RALGAPA1: variants seen among roughly 807,000 people sequenced by gnomAD.
The protein encoded by RALGAPA1 is Ral GTPase activating protein catalytic subunit alpha 1.
RALGAPA1 carries 52 observed loss-of-function variants against 269.6 expected under a neutral mutation model. The observed-to-expected ratio is 0.19, with a 90% CI of 0.15 to 0.24. The LOEUF is 0.24. Among genes scored for constraint, RALGAPA1 ranks in the 10% least tolerant of loss-of-function variants. The probability of loss-of-function intolerance (pLI) is 1.00; values close to 1 mark genes in which losing one functional copy is unlikely to be tolerated. For missense variants in RALGAPA1, 1,917 were observed against 3,013.9 expected, an observed-to-expected ratio of 0.64 and a Z score of 8.52; for synonymous variants, 817 against 1,008.3, an observed-to-expected ratio of 0.81 and a Z score of 3.60.
chr14:35,797,305 A>C (rs1340529551), intron 1 of RALGAPA1, among the ~76,000 whole-genome samples: 1 of 143,344 alleles, frequency 7.0e-6, no homozygotes, highest in African/African-American at 2.7e-5. Flanking sequence ...GTGAGCTCAG[A>C]TCATGCCACT....
intron 16 of RALGAPA1, among the ~76,000 whole-genome samples, 191 bp from the exon 17 acceptor site, chr14:35,700,493 A>G (rs2067252235): frequency 6.6e-6 from 1 of 152,160 alleles, no homozygotes; most frequent in African/African-American, 2.4e-5. Flanking sequence ...CACACACAAC[A>G]TTTTGAATAT....
At chr14:35,665,801 G>C (rs138212251) in intron 26 of RALGAPA1, among the ~76,000 whole-genome samples, 33 of 152,276 alleles carry the variant, frequency 2.2e-4, no homozygotes, top group Admixed American at 3.9e-4. Context: ...GAGTTTTTCT[G>C]TATAGGTAGA....
At chr14:35,807,365 T>C (rs2077448464) in intron 1 of RALGAPA1, among the ~76,000 whole-genome samples, 1 of 152,224 alleles carries the variant, frequency 6.6e-6, no homozygotes, top group African/African-American at 2.4e-5. Context: ...TTTAGAAGCT[T>C]TACATTTTCT....
At chr14:35,799,754 C>A (rs1595601640) in intron 1 of RALGAPA1, among the ~76,000 whole-genome samples, 1 of 151,986 alleles carries the variant, frequency 6.6e-6, no homozygotes. Flanking sequence ...ACCATATCAA[C>A]AATCATGTTA....
At chr14:35,659,845 T>C (rs898456705) in intron 27 of RALGAPA1, among the ~76,000 whole-genome samples, 3 of 152,036 alleles carry the variant, frequency 2.0e-5, no homozygotes, top group Non-Finnish European at 2.9e-5. Flanking sequence ...ATAAAACTAA[T>C]ACATCATATT....
intron 39 of RALGAPA1, among the ~76,000 whole-genome samples, chr14:35,567,878 G>GT (rs1296968563): frequency 6.6e-6 from 1 of 152,066 alleles, no homozygotes; most frequent in East Asian, 1.9e-4. Flanking sequence ...ACACAAGAAA[G>GT]TACAAACTCT....
In RALGAPA1 at chr14:35,597,002, T is replaced by G. The variant is rs118104527; in HGVS notation, c.7054-1213A>C. Among the ~76,000 whole-genome samples the G allele has an allele frequency of 1.9e-3, 290 of 152,246 alleles. 2 individuals carry two copies. The highest frequency in any genetic ancestry group is 0.018 in the East Asian group (91 of 5,184). ...TATTAGTAAGTAAAGAGATTCCTCATTTTTGGTTCCTGGCTTCACAGAAGT... is the reference window on the plus strand; with the variant it reads ...TATTAGTAAGTAAAGAGATTCCTCAGTTTTGGTTCCTGGCTTCACAGAAGT... On this transcript the variant is annotated intron_variant, in intron 36 of 41. Transcript: ENST00000680220.
intron 6 of RALGAPA1, among the ~76,000 whole-genome samples, chr14:35,758,243 C>CAAAAAAAAAAAAAAAAAAAAAAAAAA (rs66473514): frequency 2.0e-5 from 1 of 49,746 alleles, no homozygotes. Context: ...GACTCTGTCT[C>CAAAAAAAAAAAAAAAAAAAAAAAAAA]AAAAAAAAAA....
chr14:35,628,088 A>G (rs2061101709), intron 33 of RALGAPA1, 137 bp from the exon 34 acceptor site: 1 of 1,022,442 alleles, frequency 9.8e-7, no homozygotes, highest in South Asian at 2.2e-5. Flanking sequence ...TACAGTAATG[A>G]TGGCAAAAAA....
chr14:35,556,401 C>A (rs1056159328), intron 39 of RALGAPA1, among the ~76,000 whole-genome samples: 5 of 152,132 alleles, frequency 3.3e-5, no homozygotes, highest in Non-Finnish European at 7.4e-5. Flanking sequence ...AAAGATATTC[C>A]ATTTCTTTCC....
intron 37 of RALGAPA1, among the ~76,000 whole-genome samples, chr14:35,573,536 T>G (rs139734661): frequency 6.6e-6 from 1 of 152,306 alleles, no homozygotes; most frequent in East Asian, 1.9e-4. Context: ...CTGGGATAAC[T>G]GTCATCAATA....
Position 35,762,696 on chromosome 14 carries a change from A to G in RALGAPA1, c.369+14T>C, listed in dbSNP as rs1253210830. 6.8e-7 allele frequency: 1 copy of G among 1,470,516 alleles called. No homozygotes were observed. Among genetic ancestry groups the G allele is most frequent in the Non-Finnish European group, 9.5e-7 (1 of 1,049,406 alleles). The allele number at this position is 1,470,516 out of a possible 1,614,324, so 91.1% of individuals were successfully genotyped here. On this transcript the variant is annotated intron_variant, in intron 5 of 41. Coordinates refer to ENST00000680220, the MANE Select transcript of RALGAPA1 (RefSeq NM_001346249.2). ...CAGTATTTTTAAAGTCATGGAAAGTAAACATAGTTGTACCTTTAAGGAGTT... is the reference window on the plus strand; with the variant it reads ...CAGTATTTTTAAAGTCATGGAAAGTGAACATAGTTGTACCTTTAAGGAGTT...
intron 16 of RALGAPA1, among the ~76,000 whole-genome samples, chr14:35,705,338 AC>A (rs1306479240): frequency 6.6e-6 from 1 of 150,842 alleles, no homozygotes; most frequent in African/African-American, 2.4e-5. Context: ...TTCTAGCCCC[AC>A]CCCCCTATTC....
intron 13 of RALGAPA1, among the ~76,000 whole-genome samples, chr14:35,727,454 T>A (rs1007639652): frequency 6.6e-6 from 1 of 151,010 alleles, no homozygotes; most frequent in Non-Finnish European, 1.5e-5. Context: ...TTTTTCTTTT[T>A]TAAACTTTTC....
intron 35 of RALGAPA1, among the ~76,000 whole-genome samples, chr14:35,613,345 GT>G (rs1278230638): frequency 2.0e-5 from 3 of 152,130 alleles, no homozygotes; most frequent in Non-Finnish European, 4.4e-5. Context: ...GCCTCCCAAA[GT>G]GCTGGGATTA....
At chr14:35,663,904 A>T (rs1191284104) in intron 27 of RALGAPA1, among the ~76,000 whole-genome samples, 1 of 152,048 alleles carries the variant, frequency 6.6e-6, no homozygotes, top group Non-Finnish European at 1.5e-5. Flanking sequence ...AATTTATCAT[A>T]CATAGGCATT....
At position 35,664,719 on chromosome 14, in the gene RALGAPA1, G is replaced by C; in HGVS notation, c.5251C>G (p.Pro1751Ala). Residue 1751 changes from proline to alanine, a missense_variant, in exon 27 of 42, where the codon CCC becomes GCC. By Grantham distance (27) the Pro-to-Ala change is conservative (BLOSUM62 -1). Around this residue, in one of 11 missense-constraint regions of RALGAPA1, gnomAD observed 346 missense variants for 566.1 expected, o/e 0.61. Transcript: ENST00000680220. ...QVLLGSLVCFPNLYCELPSLH... is the reference protein window; with the variant it reads ...QVLLGSLVCFANLYCELPSLH... ...GAAGGCAGTTCACAATATAAGTTGG[G>C]AAAGCAAACCAAAGATCCCAGAAGA... 2 of 1,612,964 alleles carry C rather than the reference G, an allele frequency of 1.2e-6. No individual in the cohort carries two copies. Among genetic ancestry groups the C allele is most frequent in the Non-Finnish European group, 1.7e-6 (2 of 1,179,530 alleles).
intron 16 of RALGAPA1, among the ~76,000 whole-genome samples, chr14:35,712,079 T>C (rs1309100335): frequency 6.6e-6 from 1 of 151,922 alleles, no homozygotes; most frequent in East Asian, 1.9e-4. Flanking sequence ...AAACGCCATC[T>C]CTACTAAAAA....
chr14:35,752,032 G>C lies in RALGAPA1; in HGVS notation c.794C>G (p.Pro265Arg), dbSNP rs1188242745. 6.3e-7 allele frequency: 1 copy of C among 1,580,082 alleles called. No homozygotes were observed. Among genetic ancestry groups the C allele is most frequent in the Non-Finnish European group, 8.6e-7 (1 of 1,168,188 alleles). The change falls in exon 8 of 42, where the codon CCT (proline) becomes CGT (arginine). Residue 265 changes from proline to arginine, a missense_variant. Pro to Arg is a moderately radical substitution (Grantham distance 103). Around this residue, in one of 11 missense-constraint regions of RALGAPA1, gnomAD observed 462 missense variants for 725.6 expected, o/e 0.64. Coordinates refer to ENST00000680220, the MANE Select transcript of RALGAPA1 (RefSeq NM_001346249.2). ...TTTCAAACATTACCTACCAAGTATA[G>C]GATGATATAAACTGTTTTCCTTACA... is the stretch of plus-strand genomic sequence containing the variant. ...NICKENSLYH[P>R]ILDIPQMRPK...
Sources: allele counts gnomAD v4.1 joint callset (sites outside exome capture counted in the v4.1 genomes callset), GRCh38; gene constraint gnomAD v4.1.1; regional missense constraint gnomAD v4.1.1; transcripts MANE v1.5; gene names NCBI Gene and HGNC (gene_info 2026-07-23, HGNC 2026-07-21).